Variants in JUP observed in about 807,000 individuals in gnomAD.
The protein encoded by JUP is catenin (cadherin-associated protein), gamma 80kDa.
In JUP, 28 loss-of-function variants were observed where a neutral mutation model predicts 71.1. The ratio of observed to expected loss-of-function variants is 0.39; its 90% CI spans 0.29 to 0.54. The LOEUF is 0.54. Ranked by LOEUF, JUP falls within the 20% of genes least tolerant of loss-of-function variation. JUP has a pLI of 0.62. For missense variants in JUP, 869 were observed against 1,030.1 expected, an observed-to-expected ratio of 0.84 and a Z score of 2.14; for synonymous variants, 401 against 438.9, an observed-to-expected ratio of 0.91 and a Z score of 1.08.
At chr17:41,771,928 G>C in intron 1 of JUP, 66 bp from the exon 2 acceptor site, 1 of 1,324,502 alleles carries the variant, frequency 7.6e-7, no homozygotes, top group Non-Finnish European at 1.1e-6. Context: ...GCTTCAGCCC[G>C]TCACCAAGCC....
chr17:41,778,631 G>A (rs1302018473), intron 1 of JUP, among the ~76,000 whole-genome samples: 1 of 151,996 alleles, frequency 6.6e-6, no homozygotes, highest in Non-Finnish European at 1.5e-5. Flanking sequence ...AAAGGATGTT[G>A]CCGAGCACGG....
rs533719706 is a variant in JUP, at chr17:41,756,979, A to C, written c.2046+436T>G. ...GGCCTTGGAGGAATAGAGGATGATGAAATGGGGTCACCCAGTGCCCTGATA... is the reference window on the plus strand; with the variant it reads ...GGCCTTGGAGGAATAGAGGATGATGCAATGGGGTCACCCAGTGCCCTGATA... On this transcript the variant is annotated intron_variant, in intron 12 of 13. Coordinates refer to ENST00000393931, the MANE Select transcript of JUP (RefSeq NM_002230.4). 3.3e-4 allele frequency among the ~76,000 whole-genome samples: 51 copies of C among 152,334 alleles called. 1 individual carries two copies. The South Asian group carries it at 0.011, about 32-fold the overall frequency.
chr17:41,772,743 CTGGG>C, intron 1 of JUP: 1 of 938,806 alleles, frequency 1.1e-6, no homozygotes, highest in Non-Finnish European at 1.3e-6. Context: ...GGCTAGGGAT[CTGGG>C]GTGGGGCAGG....
intron 10 of JUP, 65 bp downstream of exon 10, chr17:41,758,334 A>T: frequency 6.2e-7 from 1 of 1,602,242 alleles, no homozygotes; most frequent in Non-Finnish European, 8.5e-7. Context: ...CAAATCTGGG[A>T]CTCCTAACCT....
intron 2 of JUP, 69 bp downstream of exon 2, chr17:41,771,578 T>C: frequency 5.5e-6 from 8 of 1,449,464 alleles, no homozygotes; most frequent in Non-Finnish European, 7.7e-6. Flanking sequence ...CTGCCTCCTT[T>C]CACTCTGACC....
chr17:41,762,844 A>G, intron 8 of JUP, 139 bp downstream of exon 8: 1 of 709,914 alleles, frequency 1.4e-6, no homozygotes, highest in Admixed American at 2.2e-5. Flanking sequence ...GGTCTAAACT[A>G]TTACACGAGA....
At chr17:41,770,740 G>A (rs1916520488) in intron 2 of JUP, among the ~76,000 whole-genome samples, 1 of 152,226 alleles carries the variant, frequency 6.6e-6, no homozygotes, top group Non-Finnish European at 1.5e-5. Context: ...GCTTGGGCTG[G>A]CGGGGCATCC....
rs1555597824 is a variant in JUP at position 41,756,217 on chromosome 17, G to A, written c.2047-3C>T. Reference sequence around the variant, plus strand: ...TTGATGGGAATCATGCTCTGGGCCTGAAAAAGGAGAGAGAAACATGGAGGG... The same window carrying A: ...TTGATGGGAATCATGCTCTGGGCCTAAAAAAGGAGAGAGAAACATGGAGGG... On this transcript the variant is annotated splice_polypyrimidine_tract_variant and splice_region_variant and intron_variant, in intron 12 of 13. Transcript: ENST00000393931. The A allele has an allele frequency of 2.5e-6, 4 of 1,613,776 alleles. No homozygotes were observed. The highest frequency in any genetic ancestry group is 2.7e-5 in the African/African-American group (2 of 75,048).
At chr17:41,760,744 G>A (rs553218720) in intron 8 of JUP, among the ~76,000 whole-genome samples, 3 of 151,942 alleles carry the variant, frequency 2.0e-5, no homozygotes, top group African/African-American at 7.2e-5. Context: ...TATTTTTTGT[G>A]GAGGCGGGGA....
chr17:41,774,179 C>T (rs1316896789), intron 1 of JUP, among the ~76,000 whole-genome samples: 1 of 143,020 alleles, frequency 7.0e-6, no homozygotes, highest in African/African-American at 2.5e-5. Flanking sequence ...CGCCAGGAGA[C>T]TGCTGAGGGC....
chr17:41,783,163 G>C (rs1385639962), intron 1 of JUP, among the ~76,000 whole-genome samples: 1 of 151,956 alleles, frequency 6.6e-6, no homozygotes. Context: ...TCTGGGCTTG[G>C]AATCAGAGGA....
In JUP at chr17:41,767,510, C is replaced by T. The variant is rs149623442; in HGVS notation, c.778G>A (p.Ala260Thr). 1.3e-5 allele frequency: 21 copies of T among 1,613,648 alleles called. No individual in the cohort carries two copies. In the African/African-American group the frequency reaches 1.7e-4, roughly 13 times the overall value. ...LHNLLLYQEG[A>T]KMAVRLADGL... Reference sequence around the variant, plus strand: ...TCGGCCAGGCGCACGGCCATCTTGGCGCCCTCCTGGTACAGGAGCAGGTTG... The same window carrying T: ...TCGGCCAGGCGCACGGCCATCTTGGTGCCCTCCTGGTACAGGAGCAGGTTG... Residue 260 changes from alanine to threonine, a missense_variant, in exon 5 of 14, where the codon GCC becomes ACC. Ala to Thr is a moderately conservative substitution (Grantham distance 58). Transcript: ENST00000393931.
chr17:41,785,984 G>A (rs1555611666), intron 1 of JUP: 1 of 152,274 alleles, frequency 6.6e-6, no homozygotes, highest in Non-Finnish European at 1.5e-5. Context: ...TCTGGGAGCT[G>A]GAGGGCAGGG....
intron 7 of JUP, 60 bp from the exon 8 acceptor site, chr17:41,763,381 G>A (rs531777681): frequency 3.1e-5 from 40 of 1,297,816 alleles, no homozygotes; most frequent in Middle Eastern, 2.4e-4. Flanking sequence ...GAGCCTTCTC[G>A]AATATGTCCA....
chr17:41,768,125 A>G (rs1303052662), intron 4 of JUP, among the ~76,000 whole-genome samples: 1 of 152,126 alleles, frequency 6.6e-6, no homozygotes, highest in Non-Finnish European at 1.5e-5. Flanking sequence ...TGAGCTGGGC[A>G]TGGTGGCAGA....
In JUP at chr17:41,769,633, C is replaced by A; in HGVS notation, c.253G>T (p.Val85Leu). ...ACACCAGGGCACATGGCCTCCCGCA[C>A]CCGTTTGGCCCTGGCTGTTGTGGAC... ...QMSTTARAKR[V>L]REAMCPGVSG... The change falls in exon 3 of 14, where the codon GTG becomes TTG. Residue 85 changes from valine to leucine, a missense_variant. Coordinates refer to ENST00000393931, the MANE Select transcript of JUP (RefSeq NM_002230.4). The A allele has an allele frequency of 6.2e-7, 1 of 1,606,662 alleles. No individual in the cohort carries two copies. The highest frequency in any genetic ancestry group is 8.5e-7 in the Non-Finnish European group (1 of 1,177,452).
At chr17:41,778,077 G>A (rs1302571034) in intron 1 of JUP, among the ~76,000 whole-genome samples, 3 of 152,180 alleles carry the variant, frequency 2.0e-5, no homozygotes, top group Non-Finnish European at 4.4e-5. Context: ...CCACCAGTGG[G>A]GCTTGGGCAG....
chr17:41,762,994 G>T lies in JUP; in HGVS notation c.1486C>A (p.Pro496Thr), dbSNP rs1220042864. 13 of 1,613,776 alleles carry T rather than the reference G, an allele frequency of 8.1e-6. No homozygotes were observed. The African/African-American group carries it at 1.6e-4, about 20-fold the overall frequency. The change falls in exon 8 of 14, where the codon CCA (proline) becomes ACA (threonine). Residue 496 changes from proline to threonine, a missense_variant. Coordinates refer to ENST00000393931, the MANE Select transcript of JUP (RefSeq NM_002230.4). Reference sequence around the variant, plus strand: ...CCTAACAGCAGTACCTTGACCAGTGGCCACTGGTTGGGCTGGTTGAGCAGC... The same window carrying T: ...CCTAACAGCAGTACCTTGACCAGTGTCCACTGGTTGGGCTGGTTGAGCAGC... The part of the protein sequence containing the change: ...VKLLNQPNQW[P>T]LVKATIGLIR...
rs782354654 is a variant in JUP, at chr17:41,758,443, G to A, written c.1729C>T (p.Arg577Cys). The change falls in exon 10 of 14, where the codon CGC becomes TGC. Residue 577 changes from arginine (R) to cysteine (C), a missense_variant. Arg to Cys is a radical substitution (Grantham distance 180). Coordinates refer to ENST00000393931, the MANE Select transcript of JUP (RefSeq NM_002230.4). ...GTGTTGAGCCGGAAGATCTCCATGC[G>A]GTTCATGGGGTCCCGGGCGAGGATG... is the stretch of plus-strand genomic sequence containing the variant. ...LHILARDPMN[R>C]MEIFRLNTIP... 2.9e-5 allele frequency: 47 copies of A among 1,613,820 alleles called. No homozygotes were observed. The highest frequency in any genetic ancestry group is 6.7e-5 in the East Asian group (3 of 44,880).
Sources: allele counts gnomAD v4.1 joint callset (sites outside exome capture counted in the v4.1 genomes callset), GRCh38; gene constraint gnomAD v4.1.1; transcripts MANE v1.5; gene names NCBI Gene and HGNC (gene_info 2026-07-23, HGNC 2026-07-21).